SLC6A3: variants seen among roughly 807,000 people sequenced by gnomAD.
SLC6A3 encodes the protein solute carrier family 6 member 3, also known as sodium-dependent dopamine transporter.
SLC6A3 carries 19 observed loss-of-function variants against 70.4 expected under a neutral mutation model. That is an observed-to-expected ratio of 0.27 (90% CI 0.19 to 0.40). The LOEUF (loss-of-function observed/expected upper bound fraction) is 0.40. Ranked by LOEUF, SLC6A3 falls within the 10% of genes least tolerant of loss-of-function variation. The pLI, the probability that SLC6A3 is intolerant of heterozygous loss-of-function variation, is 1.00. For synonymous variants in SLC6A3, 368 were observed against 356.6 expected, an observed-to-expected ratio of 1.03 and a Z score of -0.36; for missense variants, 613 against 838.5, an observed-to-expected ratio of 0.73 and a Z score of 3.32.
At chr5:1,432,740 C>T in intron 3 of SLC6A3, 42 bp from the exon 4 acceptor site, 4 of 1,419,144 alleles carry the variant, frequency 2.8e-6, no homozygotes, top group Non-Finnish European at 4.0e-6. Context: ...GCAGGTGGAG[C>T]ACAGAGCCAC....
chr5:1,440,228 A>G (rs1238029071), intron 3 of SLC6A3, among the ~76,000 whole-genome samples: 1 of 152,096 alleles, frequency 6.6e-6, no homozygotes, highest in Admixed American at 6.5e-5. Context: ...ATGAATGGAT[A>G]GATGAATAGA....
chr5:1,438,155 C>T lies in SLC6A3; in HGVS notation c.418+3204G>A, dbSNP rs1309768480. Among the ~76,000 whole-genome samples, 2 of 152,232 alleles carry T rather than the reference C, an allele frequency of 1.3e-5. No homozygotes were observed. The highest frequency in any genetic ancestry group is 4.8e-5 in the African/African-American group (2 of 41,460). On this transcript the variant is annotated intron_variant, in intron 3 of 14. Coordinates refer to ENST00000270349, the MANE Select transcript of SLC6A3 (RefSeq NM_001044.5). This position sits in a 1 kb window ranked among gnomAD's most constrained non-coding sequence, Gnocchi z 6.5. ...GCTTTCTTGCACTGATTCATCTATC[C>T]CTTCGTGGGTCGAACAGTTCACTTT...
At position 1,409,868 on chromosome 5, in the gene SLC6A3, G is replaced by A. The variant is rs758191524; in HGVS notation, c.1270-19C>T. On this transcript the variant is annotated intron_variant, in intron 9 of 14. Coordinates refer to ENST00000270349, the MANE Select transcript of SLC6A3 (RefSeq NM_001044.5). ...CACCCATCTGCACACAGAGCACAGGGTCGGGCTGCAGGCTGGCGGCGCTCC... is the reference window on the plus strand; with the variant it reads ...CACCCATCTGCACACAGAGCACAGGATCGGGCTGCAGGCTGGCGGCGCTCC... 1 of 1,612,900 alleles carries A rather than the reference G, an allele frequency of 6.2e-7. No homozygotes were observed. Among genetic ancestry groups the A allele is most frequent in the Non-Finnish European group, 8.5e-7 (1 of 1,180,016 alleles).
intron 3 of SLC6A3, among the ~76,000 whole-genome samples, chr5:1,440,613 G>A (rs2927675): frequency 0.025 from 3,776 of 152,278 alleles, 162 homozygotes; most frequent in African/African-American, 0.087. Context: ...CTTTACAGAG[G>A]TGATCAAGTT....
At chr5:1,418,347 T>C (rs1214454960) in intron 6 of SLC6A3, among the ~76,000 whole-genome samples, 1 of 152,194 alleles carries the variant, frequency 6.6e-6, no homozygotes, top group East Asian at 1.9e-4. Flanking sequence ...CTTCCATTTC[T>C]TTCCTGATTT....
intron 4 of SLC6A3, among the ~76,000 whole-genome samples, chr5:1,423,805 G>A (rs1213421234): frequency 1.3e-5 from 2 of 152,210 alleles, no homozygotes; most frequent in African/African-American, 2.4e-5. Flanking sequence ...TGTAACAGCC[G>A]TGCCGCTGCC....
intron 1 of SLC6A3, among the ~76,000 whole-genome samples, chr5:1,443,855 T>TTTG (rs367593991): frequency 1.3e-5 from 2 of 151,760 alleles, no homozygotes; most frequent in African/African-American, 4.9e-5. Context: ...TGTGTGTTTT[T>TTTG]TTGTTGTTGT....
At chr5:1,427,207 G>T (rs752705294) in intron 4 of SLC6A3, among the ~76,000 whole-genome samples, 1 of 152,154 alleles carries the variant, frequency 6.6e-6, no homozygotes, top group South Asian at 2.1e-4. Flanking sequence ...TAACAGCAAG[G>T]TATCATGGAG....
chr5:1,399,180 G>A (rs73028259), intron 14 of SLC6A3, among the ~76,000 whole-genome samples: 7,523 of 152,164 alleles, frequency 0.049, 507 homozygotes, highest in African/African-American at 0.15. Flanking sequence ...AAAAAGATGA[G>A]TAAAACATCC....
chr5:1,430,094 C>G (rs1356151594), intron 4 of SLC6A3, among the ~76,000 whole-genome samples: 1 of 152,184 alleles, frequency 6.6e-6, no homozygotes, highest in African/African-American at 2.4e-5. Flanking sequence ...TTCAGGCAAA[C>G]AACCAGGACT....
At chr5:1,425,516 T>G (rs1756557309) in intron 4 of SLC6A3, among the ~76,000 whole-genome samples, 1 of 152,192 alleles carries the variant, frequency 6.6e-6, no homozygotes, top group South Asian at 2.1e-4. Flanking sequence ...CTACTTCACA[T>G]GATATAGAAA....
chr5:1,432,601 G>A lies in SLC6A3; in HGVS notation c.516C>T (p.Thr172=), dbSNP rs762199332. Residue 172 remains threonine (T), a synonymous_variant, in exon 4 of 15, where the codon ACC becomes ACT. Coordinates refer to ENST00000270349, the MANE Select transcript of SLC6A3 (RefSeq NM_001044.5). Reference sequence around the variant, plus strand: ...TGCAGTGGATCCAGGGGAGCTCCGTGGTGAAGGAGGAGAAGAGATAGTGCA... The same window carrying A: ...TGCAGTGGATCCAGGGGAGCTCCGTAGTGAAGGAGGAGAAGAGATAGTGCA... ...WALHYLFSSF[T]TELPWIHCNN... The A allele has an allele frequency of 1.2e-6, 2 of 1,614,194 alleles. No individual in the cohort carries two copies. The highest frequency in any genetic ancestry group is 1.7e-6 in the Non-Finnish European group (2 of 1,179,998).
chr5:1,443,604 G>A (rs1019816704), intron 1 of SLC6A3, among the ~76,000 whole-genome samples: 8 of 152,226 alleles, frequency 5.3e-5, no homozygotes, highest in African/African-American at 1.7e-4. Flanking sequence ...CACACTTCCA[G>A]AGAGCAATTT....
rs1196011288 is a variant in SLC6A3, at chr5:1,397,101, A to T, written c.1840-2343T>A. ...TAAGATTCAAATGAAAACAAAATCT[A>T]AGTGAGGTAAGAGACCTGGAGGACC... On this transcript the variant is annotated intron_variant, in intron 14 of 14. Transcript: ENST00000270349. The surrounding 1 kb of genome is among the most constrained non-coding windows in gnomAD (Gnocchi z 4.7). Among the ~76,000 whole-genome samples the T allele has an allele frequency of 6.6e-6, 1 of 152,190 alleles. No individual in the cohort carries two copies. Among genetic ancestry groups the T allele is most frequent in the Non-Finnish European group, 1.5e-5 (1 of 68,030 alleles).
rs764834876 is a variant in SLC6A3 at position 1,422,017 on chromosome 5, G to A, written c.654-3C>T. The stretch of plus-strand genomic sequence containing the variant: ...GGTGGAGGTGCAGCACGCCACGTCT[G>A]CAGAGGGGAGTCAGCGGGGGACTCT... On this transcript the variant is annotated splice_polypyrimidine_tract_variant and splice_region_variant and intron_variant, in intron 4 of 14. Coordinates refer to ENST00000270349, the MANE Select transcript of SLC6A3 (RefSeq NM_001044.5). 7.1e-5 allele frequency: 114 copies of A among 1,610,478 alleles called. No individual in the cohort carries two copies. The highest frequency in any genetic ancestry group is 1.0e-5 in the Non-Finnish European group (12 of 1,179,770).
At position 1,396,098 on chromosome 5, in the gene SLC6A3, A is replaced by G. The variant is rs1755711565; in HGVS notation, c.1840-1340T>C. On this transcript the variant is annotated intron_variant, in intron 14 of 14. Transcript: ENST00000270349. This position sits in a 1 kb window ranked among gnomAD's most constrained non-coding sequence, Gnocchi z 7.0. ...TGATGAGAATTTCACAAGAAACAGC[A>G]GAGCACACGCAGCTTCCAGAGATGA... 6.6e-6 allele frequency among the ~76,000 whole-genome samples: 1 copy of G among 152,206 alleles called. No individual in the cohort carries two copies. The highest frequency in any genetic ancestry group is 2.4e-5 in the African/African-American group (1 of 41,452).
At chr5:1,423,783 G>A (rs1409388214) in intron 4 of SLC6A3, among the ~76,000 whole-genome samples, 1 of 152,214 alleles carries the variant, frequency 6.6e-6, no homozygotes, top group Non-Finnish European at 1.5e-5. Context: ...TGTGACTTGG[G>A]GCCAAGACAA....
At chr5:1,440,582 G>A (rs954394505) in intron 3 of SLC6A3, among the ~76,000 whole-genome samples, 1 of 152,226 alleles carries the variant, frequency 6.6e-6, no homozygotes, top group African/African-American at 2.4e-5. Flanking sequence ...CTCAGAATGT[G>A]ACTTTATTTA....
chr5:1,418,649 T>C (rs1756362212), intron 6 of SLC6A3, among the ~76,000 whole-genome samples: 1 of 149,882 alleles, frequency 6.7e-6, no homozygotes, highest in Non-Finnish European at 1.5e-5. Context: ...ATCCATGCTA[T>C]CCAGCTACCT....
Sources: allele counts gnomAD v4.1 joint callset (sites outside exome capture counted in the v4.1 genomes callset), GRCh38; gene constraint gnomAD v4.1.1; non-coding constraint Gnocchi (gnomAD v3.1); transcripts MANE v1.5; gene names NCBI Gene and HGNC (gene_info 2026-07-23, HGNC 2026-07-21).